TSGA10: variants seen among roughly 807,000 people sequenced by gnomAD.
TSGA10 encodes testis specific 10.
Under a neutral mutation model 96.6 loss-of-function variants are expected in TSGA10, and 43 were observed. The observed-to-expected ratio is 0.44, with a 90% confidence interval of 0.35 to 0.57. The LOEUF (loss-of-function observed/expected upper bound fraction) is 0.57, where lower values mean the gene tolerates loss of function less well. Ranked by LOEUF, TSGA10 falls within the 20% of genes least tolerant of loss-of-function variation. TSGA10 has a pLI of 0.01. For synonymous variants in TSGA10, 229 were observed against 269.9 expected (o/e 0.85, Z 1.48); for missense variants, 703 against 834.4 (o/e 0.84, Z 1.94).
chr2:99,026,228 A>G (rs1351157668), intron 17 of TSGA10, among the ~76,000 whole-genome samples: 3 of 152,230 alleles, frequency 2.0e-5, no homozygotes, highest in African/African-American at 7.2e-5. Flanking sequence ...TTACAGCTCA[A>G]TACAGAAATG....
At position 99,074,000 on chromosome 2, in the gene TSGA10, CTTTTTTTTTTTT is replaced by C. The variant is rs1167854716; in HGVS notation, c.883-939_883-928del. Among the ~76,000 whole-genome samples the C allele has an allele frequency of 2.5e-4, 13 of 52,636 alleles. No homozygotes were observed. In the South Asian group the frequency reaches 2.8e-3, roughly 11 times the overall value. The allele number at this position is 52,636 out of a possible 152,430, so 34.5% of individuals were successfully genotyped here. On this transcript the variant is annotated intron_variant, in intron 12 of 20. Transcript: ENST00000393483. The stretch of plus-strand genomic sequence containing the variant: ...AACCAATTCTGTTCCTGTTTCTTTT[CTTTTTTTTTTTT>C]TTTTTTTTTTTTTTTTTGAGATGGA...
intron 2 of TSGA10, chr2:99,125,620 A>G (rs911794255): frequency 4.3e-4 from 65 of 152,252 alleles, no homozygotes; most frequent in African/African-American, 1.4e-3. Context: ...TAGCATTGTA[A>G]GACTCTGGAT....
chr2:99,129,981 G>T (rs960472625), intron 1 of TSGA10, among the ~76,000 whole-genome samples: 1 of 152,224 alleles, frequency 6.6e-6, no homozygotes, highest in East Asian at 1.9e-4. Flanking sequence ...CCTTCTTAAT[G>T]GCTGCACAGT....
At chr2:99,070,316 T>G (rs1454283712) in intron 14 of TSGA10, among the ~76,000 whole-genome samples, 1 of 152,040 alleles carries the variant, frequency 6.6e-6, no homozygotes, top group Non-Finnish European at 1.5e-5. Flanking sequence ...CTCAGAGAAG[T>G]TGGTTTATAT....
chr2:99,052,273 A>T (rs188826529), intron 16 of TSGA10, among the ~76,000 whole-genome samples: 32 of 152,214 alleles, frequency 2.1e-4, no homozygotes, highest in Non-Finnish European at 4.6e-4. Flanking sequence ...ATATACAATT[A>T]TAAATGAAAG....
chr2:99,141,086 G>C (rs1438019590), intron 1 of TSGA10: 2 of 1,282,980 alleles, frequency 1.6e-6, no homozygotes, highest in East Asian at 5.9e-5. Flanking sequence ...CTTCTACCTG[G>C]AGCTCCGGGT....
At chr2:99,018,053 C>T in intron 20 of TSGA10, 147 bp downstream of exon 20, 1 of 625,872 alleles carries the variant, frequency 1.6e-6, no homozygotes. Flanking sequence ...TTATCAAAAT[C>T]CTGTATTTTA....
intron 10 of TSGA10, among the ~76,000 whole-genome samples, chr2:99,091,562 C>T (rs2089340350): frequency 1.3e-5 from 2 of 152,046 alleles, no homozygotes; most frequent in South Asian, 2.1e-4. Flanking sequence ...AAGAGACTCA[C>T]CTAACACATA....
chr2:99,108,754 C>T, intron 7 of TSGA10, 79 bp downstream of exon 7: 3 of 1,051,330 alleles, frequency 2.9e-6, no homozygotes, highest in East Asian at 5.4e-5. Flanking sequence ...TTTAAGCAGT[C>T]TCATAAAACT....
intron 12 of TSGA10, among the ~76,000 whole-genome samples, chr2:99,076,158 A>C (rs1444244355): frequency 2.0e-5 from 3 of 152,174 alleles, no homozygotes; most frequent in Non-Finnish European, 2.9e-5. Flanking sequence ...TTTCCTTTCT[A>C]AGCCTGTTCT....
intron 16 of TSGA10, among the ~76,000 whole-genome samples, chr2:99,045,888 G>A (rs1263102941): frequency 6.6e-6 from 1 of 151,158 alleles, no homozygotes; most frequent in Non-Finnish European, 1.5e-5. Flanking sequence ...CGGAGGAGGA[G>A]CAAATGGAAA....
chr2:99,046,899 T>C (rs982045411), intron 16 of TSGA10, among the ~76,000 whole-genome samples: 3 of 152,002 alleles, frequency 2.0e-5, no homozygotes, highest in Non-Finnish European at 4.4e-5. Flanking sequence ...ATATCACCAC[T>C]GATCCCATAG....
intron 10 of TSGA10, among the ~76,000 whole-genome samples, chr2:99,098,867 T>C (rs2090389624): frequency 3.9e-5 from 6 of 152,198 alleles, no homozygotes; most frequent in African/African-American, 1.4e-4. Flanking sequence ...AAACCTTCCC[T>C]TAAAGAAGAG....
At chr2:99,120,848 C>T (rs991365595) in intron 2 of TSGA10, among the ~76,000 whole-genome samples, 4 of 152,164 alleles carry the variant, frequency 2.6e-5, no homozygotes, top group Non-Finnish European at 4.4e-5. Flanking sequence ...TTCTCCTTCC[C>T]CGCCCTCAAT....
chr2:99,115,034 G>A (rs1296364437), intron 4 of TSGA10, among the ~76,000 whole-genome samples: 2 of 152,140 alleles, frequency 1.3e-5, no homozygotes, highest in Admixed American at 1.3e-4. Flanking sequence ...TCAGGCTCAA[G>A]CTATTCTTGT....
At chr2:99,105,315 A>G in intron 9 of TSGA10, 44 bp downstream of exon 9, 5 of 1,497,544 alleles carry the variant, frequency 3.3e-6, no homozygotes, top group Non-Finnish European at 4.5e-6. Context: ...AAAGCCATTG[A>G]GTGTTTATAG....
At chr2:99,066,439 G>A (rs533729164) in intron 15 of TSGA10, among the ~76,000 whole-genome samples, 1 of 152,268 alleles carries the variant, frequency 6.6e-6, no homozygotes, top group Non-Finnish European at 1.5e-5. Flanking sequence ...ACTTTGTGCA[G>A]TACTTACTGT....
intron 10 of TSGA10, among the ~76,000 whole-genome samples, chr2:99,101,244 CAAAAAAAAAAA>C (rs869263270): frequency 4.1e-5 from 1 of 24,364 alleles, no homozygotes; most frequent in African/African-American, 2.1e-4. Context: ...GACTCTGTCT[CAAAAAAAAAAA>C]AAAAAAAAAA....
At chr2:99,117,804 T>C in intron 3 of TSGA10, 45 bp from the exon 4 acceptor site, 1 of 925,804 alleles carries the variant, frequency 1.1e-6, no homozygotes, top group Non-Finnish European at 1.3e-6. Flanking sequence ...ATTCCTTAGC[T>C]TTTTTCTGGG....
Sources: allele counts gnomAD v4.1 joint callset (sites outside exome capture counted in the v4.1 genomes callset), GRCh38; gene constraint gnomAD v4.1.1; transcripts MANE v1.5; gene names NCBI Gene and HGNC (gene_info 2026-07-23, HGNC 2026-07-21).